The following ABHD12B variants were observed in gnomAD, a reference collection of about 807,000 sequenced individuals.
The protein encoded by ABHD12B is protein ABHD12B.
A neutral mutation model predicts 50.4 loss-of-function variants in ABHD12B; 42 were observed. The ratio of observed to expected loss-of-function variants is 0.83; its 90% confidence interval spans 0.65 to 1.08. ABHD12B has a LOEUF of 1.08. Ranked by LOEUF, ABHD12B falls within the 50% of genes least tolerant of loss-of-function variation. The probability of loss-of-function intolerance (pLI) is 0.00; values close to 1 mark genes in which losing one functional copy is unlikely to be tolerated. For synonymous variants in ABHD12B, 167 were observed against 160.3 expected, an observed-to-expected ratio of 1.04 and a Z score of -0.32; for missense variants, 479 against 447.7, an observed-to-expected ratio of 1.07 and a Z score of -0.63.
At position 50,881,563 on chromosome 14, in the gene ABHD12B, CT is replaced by C. The variant is rs34965747; in HGVS notation, c.456-16del. ...TTGTTATCATCGTTCCTAATTCTTG[CT>C]TTTTTTTTTTTTTTTTAAACTTCCT... On this transcript the variant is annotated intron_variant, in intron 4 of 12. Transcript: ENST00000337334. 6.3e-3 allele frequency: 8,767 copies of C among 1,401,710 alleles called. 145 individuals carry two copies. The African/African-American group carries it at 0.086, about 14-fold the overall frequency. 86.8% of individuals were successfully genotyped at this position (1,401,710 alleles called of 1,614,324 possible). A position where few individuals can be genotyped will look rare whatever the true frequency, so the allele number is the denominator to read the frequency against.
intron 1 of ABHD12B, among the ~76,000 whole-genome samples, chr14:50,876,336 C>T (rs548658001): frequency 6.6e-6 from 1 of 152,336 alleles, no homozygotes; most frequent in Admixed American, 6.5e-5. Context: ...ATTATCTTCT[C>T]TCTTCGTGCC....
In ABHD12B at chr14:50,872,241, G is replaced by C. The variant is rs939971353; in HGVS notation, c.67G>C (p.Val23Leu). The C allele has an allele frequency of 7.2e-7, 1 of 1,393,410 alleles. No homozygotes were observed. Among genetic ancestry groups the C allele is most frequent in the Non-Finnish European group, 9.3e-7 (1 of 1,070,786 alleles). 86.3% of individuals were successfully genotyped at this position (1,393,410 alleles called of 1,614,324 possible). A position where few individuals can be genotyped will look rare whatever the true frequency, so the allele number is the denominator to read the frequency against. ...GCCCGGGCCCCCAGCCCGTAGCTGC[G>C]TGGCCGCCTGGTGGGACATGGTCGA... ...EPPGPPARSC[V>L]AAWWDMVDRN... The change falls in exon 1 of 13, where the codon GTG (valine) becomes CTG (leucine). Residue 23 changes from valine to leucine, a missense_variant. Physicochemically the swap from Val to Leu is conservative, Grantham distance 32. Transcript: ENST00000337334.
intron 1 of ABHD12B, among the ~76,000 whole-genome samples, chr14:50,873,890 T>A (rs2049822242): frequency 1.3e-5 from 2 of 152,198 alleles, no homozygotes; most frequent in African/African-American, 4.8e-5. Context: ...ATCTATTACT[T>A]GCCTTACTAA....
chr14:50,904,512 G>A lies in ABHD12B; in HGVS notation c.*146G>A. The A allele has an allele frequency of 1.0e-6, 1 of 990,600 alleles. No individual in the cohort carries two copies. Among genetic ancestry groups the A allele is most frequent in the African/African-American group, 1.6e-5 (1 of 62,962 alleles). The allele number at this position is 990,600 out of a possible 1,614,324, so 61.4% of individuals were successfully genotyped here. On this transcript the variant is annotated 3_prime_UTR_variant, in exon 13 of 13. Transcript: ENST00000337334. Reference sequence around the variant, plus strand: ...CAAATCACTTGCCATTTTAACAACAGAAAGTACGAATGTTAGGCAGTATGG... The same window carrying A: ...CAAATCACTTGCCATTTTAACAACAAAAAGTACGAATGTTAGGCAGTATGG...
intron 1 of ABHD12B, among the ~76,000 whole-genome samples, chr14:50,875,587 G>A (rs994901603): frequency 6.6e-6 from 1 of 152,202 alleles, no homozygotes; most frequent in African/African-American, 2.4e-5. Context: ...GCCGTTTGAT[G>A]TGGCTGGCCG....
rs754743100 is a variant in ABHD12B at position 50,878,720 on chromosome 14, G to A, written c.233-25G>A. The A allele has an allele frequency of 2.7e-5, 42 of 1,572,466 alleles. No homozygotes were observed. The South Asian group carries it at 4.4e-4, about 17-fold the overall frequency. On this transcript the variant is annotated intron_variant, in intron 2 of 12. Transcript: ENST00000337334. Reference sequence around the variant, plus strand: ...AAAGGCATGGAATTTGATTCTTGAAGTTGATAATGATTTTTACTTTCCAGT... The same window carrying A: ...AAAGGCATGGAATTTGATTCTTGAAATTGATAATGATTTTTACTTTCCAGT...
At chr14:50,894,485 T>C (rs2050166730) in intron 9 of ABHD12B, among the ~76,000 whole-genome samples, 1 of 152,010 alleles carries the variant, frequency 6.6e-6, no homozygotes, top group Non-Finnish European at 1.5e-5. Context: ...TCCCTTAGCC[T>C]GTGTTCTCAA....
At chr14:50,890,280 C>T (rs1050738359) in intron 9 of ABHD12B, among the ~76,000 whole-genome samples, 3 of 151,982 alleles carry the variant, frequency 2.0e-5, no homozygotes, top group Non-Finnish European at 4.4e-5. Context: ...TGAAATTTAG[C>T]GAAATAAGGA....
At chr14:50,902,040 T>A (rs955726464) in intron 10 of ABHD12B, 129 bp downstream of exon 10, 6 of 593,718 alleles carry the variant, frequency 1.0e-5, no homozygotes, top group Admixed American at 7.6e-5. Context: ...AATATTGTTC[T>A]GCGCTTCTTA....
At chr14:50,878,182 A>G in intron 2 of ABHD12B, 103 bp downstream of exon 2, 1 of 1,062,502 alleles carries the variant, frequency 9.4e-7, no homozygotes, top group Non-Finnish European at 1.3e-6. Context: ...TCAGCTGTAA[A>G]ATTGTGGTTA....
Position 50,885,625 on chromosome 14 carries a change from T to A in ABHD12B, c.498T>A (p.Asp166Glu). 1 of 1,614,210 alleles carries A rather than the reference T, an allele frequency of 6.2e-7. No homozygotes were observed. The highest frequency in any genetic ancestry group is 8.5e-7 in the Non-Finnish European group (1 of 1,180,050). ...CCTTTGTTACCTAGGTGCTGAGTGA[T>A]GGTGGCTTTCATGTCTTGTCTGTTG... ...HRLKLVKVLS[D>E]GGFHVLSVDY... Residue 166 changes from aspartate to glutamate, a missense_variant, in exon 6 of 13, where the codon GAT becomes GAA. By Grantham distance (45) the Asp-to-Glu change is conservative. Coordinates refer to ENST00000337334, the MANE Select transcript of ABHD12B (RefSeq NM_001206673.2).
chr14:50,884,007 A>G (rs1326341549), intron 5 of ABHD12B, among the ~76,000 whole-genome samples: 1 of 126,942 alleles, frequency 7.9e-6, no homozygotes, highest in Non-Finnish European at 1.7e-5. Flanking sequence ...CCACTATTTT[A>G]TAGACATTCT....
At chr14:50,873,385 A>G (rs868721391) in intron 1 of ABHD12B, among the ~76,000 whole-genome samples, 1 of 151,982 alleles carries the variant, frequency 6.6e-6, no homozygotes, top group South Asian at 2.1e-4. Context: ...TGATTTTTGT[A>G]TTTTGTGTAG....
At chr14:50,900,921 CACGTT>C (rs2050254359) in intron 9 of ABHD12B, among the ~76,000 whole-genome samples, 1 of 152,164 alleles carries the variant, frequency 6.6e-6, no homozygotes, top group Non-Finnish European at 1.5e-5. Flanking sequence ...ATCTGATTTG[CACGTT>C]AAAATAATCA....
At chr14:50,890,140 A>C (rs936396453) in intron 9 of ABHD12B, among the ~76,000 whole-genome samples, 1 of 152,230 alleles carries the variant, frequency 6.6e-6, no homozygotes, top group African/African-American at 2.4e-5. Context: ...TTTTAATATA[A>C]TATAACCATT....
At chr14:50,897,438 T>C (rs995870649) in intron 9 of ABHD12B, among the ~76,000 whole-genome samples, 19 of 152,256 alleles carry the variant, frequency 1.2e-4, no homozygotes, top group African/African-American at 4.6e-4. Context: ...TCCACCTTTT[T>C]TGTGATCAAT....
At position 50,872,082 on chromosome 14, in the gene ABHD12B, C is replaced by T; in HGVS notation, c.-93C>T. The T allele has an allele frequency of 4.2e-6, 4 of 960,192 alleles. No homozygotes were observed. The highest frequency in any genetic ancestry group is 5.3e-6 in the Non-Finnish European group (4 of 752,114). 59.5% of individuals were successfully genotyped at this position (960,192 alleles called of 1,614,324 possible). On this transcript the variant is annotated 5_prime_UTR_variant, in exon 1 of 13. Transcript: ENST00000337334. ...TGCCTGACCGCGCGGAGGAGGAGGGCGGGCGCGGTGCCGCCGGGGCGGGAA... is the reference window on the plus strand; with the variant it reads ...TGCCTGACCGCGCGGAGGAGGAGGGTGGGCGCGGTGCCGCCGGGGCGGGAA...
chr14:50,882,926 G>C (rs1162687188), intron 5 of ABHD12B, among the ~76,000 whole-genome samples: 3 of 141,774 alleles, frequency 2.1e-5, no homozygotes, highest in Non-Finnish European at 4.5e-5. Flanking sequence ...AGCTAGGATT[G>C]TGCCACCACA....
chr14:50,898,909 C>A (rs1028679352), intron 9 of ABHD12B, among the ~76,000 whole-genome samples: 1 of 152,120 alleles, frequency 6.6e-6, no homozygotes, highest in African/African-American at 2.4e-5. Flanking sequence ...CAAGGAGATT[C>A]CAGCTGGGCA....
Sources: allele counts gnomAD v4.1 joint callset (sites outside exome capture counted in the v4.1 genomes callset), GRCh38; gene constraint gnomAD v4.1.1; transcripts MANE v1.5; gene names NCBI Gene and HGNC (gene_info 2026-07-23, HGNC 2026-07-21).